Variants in DIPK1C observed in about 807,000 individuals in gnomAD.
DIPK1C encodes the protein familial non-conventional Alzheimer's dementia.
A neutral mutation model predicts 28.0 loss-of-function variants in DIPK1C; 33 were observed. That is an observed-to-expected ratio of 1.18 (90% confidence interval 0.89 to 1.58). DIPK1C has a LOEUF of 1.58. DIPK1C is among the 40% of genes most tolerant of loss of function. The pLI is 0.00. For missense variants in DIPK1C, 569 were observed against 568.5 expected (o/e 1.00, Z -0.01); for synonymous variants, 255 against 248.8 (o/e 1.02, Z -0.23).
upstream of DIPK1C, among the ~76,000 whole-genome samples, chr18:74,462,196 G>A (rs748555634): frequency 2.3e-4 from 35 of 152,346 alleles, no homozygotes; most frequent in Admixed American, 1.2e-3. Flanking sequence ...TTGTGTGGCT[G>A]TGGAACGTCT....
chr18:74,438,289 T>C (rs796729318), intron 3 of DIPK1C, among the ~76,000 whole-genome samples: 2 of 152,252 alleles, frequency 1.3e-5, no homozygotes, highest in African/African-American at 4.8e-5. Context: ...CAGTTCCCTA[T>C]TGATGGACTT....
chr18:74,440,278 A>G (rs987522657), intron 3 of DIPK1C, among the ~76,000 whole-genome samples: 59 of 152,162 alleles, frequency 3.9e-4, no homozygotes, highest in African/African-American at 1.3e-3. Context: ...ATAATGCTTC[A>G]TATTTTCTCA....
At chr18:74,438,746 G>A (rs561263920) in intron 3 of DIPK1C, among the ~76,000 whole-genome samples, 1 of 152,346 alleles carries the variant, frequency 6.6e-6, no homozygotes, top group East Asian at 1.9e-4. Context: ...CCAAGACGGA[G>A]GTTTGCATGC....
upstream of DIPK1C, among the ~76,000 whole-genome samples, chr18:74,462,738 C>A: frequency 6.6e-6 from 1 of 151,974 alleles, no homozygotes; most frequent in Admixed American, 6.6e-5. Context: ...TCAGCCACGT[C>A]TAAGGATTCC....
chr18:74,456,977 TC>T, intron 1 of DIPK1C, 84 bp downstream of exon 1: 7 of 1,279,454 alleles, frequency 5.5e-6, no homozygotes, highest in East Asian at 3.3e-5. Flanking sequence ...GCCACCCAAG[TC>T]CCCGGGAAGG....
At chr18:74,445,966 G>A (rs1991277) in intron 2 of DIPK1C, among the ~76,000 whole-genome samples, 45,035 of 152,146 alleles carry the variant, frequency 0.3, 7,687 homozygotes, top group Middle Eastern at 0.39. Context: ...TCCTGCTGCC[G>A]TTCTTGCACA....
At chr18:74,444,620 G>T (rs1291227598) in intron 2 of DIPK1C, among the ~76,000 whole-genome samples, 1 of 152,232 alleles carries the variant, frequency 6.6e-6, no homozygotes, top group East Asian at 1.9e-4. Context: ...GCTCTCTGGT[G>T]AAGCAGATAC....
Position 74,441,984 on chromosome 18 carries a change from A to G in DIPK1C, c.1009T>C (p.Cys337Arg), listed in dbSNP as rs1008466478. Residue 337 changes from cysteine to arginine, a missense_variant, in exon 3 of 4, where the codon TGC becomes CGC. By Grantham distance (180) the Cys-to-Arg change is radical (BLOSUM62 -3). Transcript: ENST00000343998. ...TTGTTGTTTACGCGCTGCGCTCCGC[A>G]TTTGTTGACTCGTAAATCACATCTT... ...FSRCDLRVNK[C>R]GAQRVNNNLQ... is the part of the protein sequence containing the mutation. 4 of 1,614,114 alleles carry G rather than the reference A, an allele frequency of 2.5e-6. No individual in the cohort carries two copies. Among genetic ancestry groups the G allele is most frequent in the Non-Finnish European group, 3.4e-6 (4 of 1,179,980 alleles).
intron 3 of DIPK1C, among the ~76,000 whole-genome samples, chr18:74,439,382 G>C (rs1986068018): frequency 6.6e-6 from 1 of 152,136 alleles, no homozygotes; most frequent in African/African-American, 2.4e-5. Flanking sequence ...AGCTCTCCCT[G>C]CCTTGGTCTA....
chr18:74,445,628 AGCACGACC>A (rs1246564770), intron 2 of DIPK1C, among the ~76,000 whole-genome samples: 4 of 152,164 alleles, frequency 2.6e-5, no homozygotes, highest in Non-Finnish European at 4.4e-5. Context: ...CATGCTGAAG[AGCACGACC>A]CCACCATGAG....
At chr18:74,446,558 C>T (rs1007606537) in intron 2 of DIPK1C, 48 bp downstream of exon 2, 22 of 1,379,936 alleles carry the variant, frequency 1.6e-5, no homozygotes, top group Admixed American at 3.5e-5. Flanking sequence ...CCTCCAGACC[C>T]GAGAGCTCCG....
upstream of DIPK1C, among the ~76,000 whole-genome samples, chr18:74,460,659 T>C (rs1363597298): frequency 6.6e-6 from 1 of 152,180 alleles, no homozygotes; most frequent in Non-Finnish European, 1.5e-5. Flanking sequence ...GAGCGGGACA[T>C]AGGAAAGATA....
Position 74,457,276 on chromosome 18 carries a change from G to C in DIPK1C, c.-17C>G. On this transcript the variant is annotated 5_prime_UTR_variant, in exon 1 of 4. Coordinates refer to ENST00000343998, the MANE Select transcript of DIPK1C (RefSeq NM_001044369.3). ...CCGCGCCATGGCCAGCCCTGCCCGC[G>C]CCCGGGCCCCACCGCCGCCCGCGCC... 1.0e-6 allele frequency: 1 copy of C among 985,716 alleles called. No individual in the cohort carries two copies. Among genetic ancestry groups the C allele is most frequent in the Non-Finnish European group, 1.2e-6 (1 of 830,942 alleles). The allele number at this position is 985,716 out of a possible 1,614,324, so 61.1% of individuals were successfully genotyped here.
At chr18:74,451,992 G>A (rs1336895657) in intron 1 of DIPK1C, among the ~76,000 whole-genome samples, 1 of 152,126 alleles carries the variant, frequency 6.6e-6, no homozygotes, top group Non-Finnish European at 1.5e-5. Flanking sequence ...GAACACTTAC[G>A]TCAGCCTATG....
At chr18:74,457,316 C>A (rs1444538716), upstream of DIPK1C, 19 of 972,364 alleles carry the variant, frequency 2.0e-5, no homozygotes, top group East Asian at 1.1e-4. Flanking sequence ...GTTCCGCACT[C>A]GCGTAGCTGC....
chr18:74,436,583 C>T lies in DIPK1C; in HGVS notation c.1178G>A (p.Arg393Gln), dbSNP rs781270804. ...CCAGAACACGCTGGAGGCTGCTCTC[C>T]GGGTGTTCCCACTGGGGACCCCAGG... is the stretch of plus-strand genomic sequence containing the variant. Reference protein sequence around the residue: ...ADPGVPSGNTRRAASSVFWKL... With the variant: ...ADPGVPSGNTQRAASSVFWKL... The change falls in exon 4 of 4, where the codon CGG becomes CAG. Residue 393 changes from arginine to glutamine, a missense_variant. Transcript: ENST00000343998. The T allele has an allele frequency of 3.2e-5, 51 of 1,612,200 alleles. No individual in the cohort carries two copies. Among genetic ancestry groups the T allele is most frequent in the East Asian group, 1.8e-4 (8 of 44,870 alleles).
chr18:74,441,568 G>A (rs1338941240), intron 3 of DIPK1C, among the ~76,000 whole-genome samples: 1 of 152,188 alleles, frequency 6.6e-6, no homozygotes, highest in Non-Finnish European at 1.5e-5. Context: ...CCTCTAGTTA[G>A]GCCAGTGTCT....
intron 1 of DIPK1C, among the ~76,000 whole-genome samples, chr18:74,455,376 A>G (rs2162256): frequency 0.42 from 63,690 of 152,088 alleles, 14,461 homozygotes; most frequent in Middle Eastern, 0.55. Context: ...ATGTTTGTTT[A>G]CTATAATTAG....
At chr18:74,439,981 G>A (rs2144512262) in intron 3 of DIPK1C, among the ~76,000 whole-genome samples, 1 of 136,836 alleles carries the variant, frequency 7.3e-6, no homozygotes, top group East Asian at 2.2e-4. Context: ...GTCTCGCTCT[G>A]TTGCCCAGGC....
Sources: allele counts gnomAD v4.1 joint callset (sites outside exome capture counted in the v4.1 genomes callset), GRCh38; gene constraint gnomAD v4.1.1; transcripts MANE v1.5; gene names NCBI Gene and HGNC (gene_info 2026-07-23, HGNC 2026-07-21).